BOC: variants seen among roughly 807,000 people sequenced by gnomAD.
BOC encodes BOC cell adhesion associated, oncogene regulated.
A neutral mutation model predicts 112.0 loss-of-function variants in BOC; 76 were observed. The observed-to-expected ratio is 0.68, with a 90% CI of 0.56 to 0.82. BOC has a LOEUF of 0.82. Ranked by LOEUF, BOC falls within the 40% of genes least tolerant of loss-of-function variation. The pLI is 0.00. For missense variants in BOC, 1,309 were observed against 1,511.7 expected (o/e 0.87, Z 2.22); for synonymous variants, 580 against 599.8 (o/e 0.97, Z 0.48).
intron 5 of BOC, 43 bp from the exon 6 acceptor site, chr3:113,270,758 T>C (rs1254773034): frequency 9.5e-6 from 15 of 1,573,658 alleles, no homozygotes; most frequent in Non-Finnish European, 1.3e-5. Context: ...AGTGAAGTAT[T>C]CTGGACCCAT....
Position 113,279,415 on chromosome 3 carries a change from C to A in BOC, c.1983C>A (p.Pro661=). ...GDWILATSAI[P]PSRLSVEITG... is the part of the protein sequence containing the mutation. ...GGATTCTGGCCACCAGCGCCATCCCCCCATCGCGGCTGTCCGTGGAGATCA... is the reference window on the plus strand; with the variant it reads ...GGATTCTGGCCACCAGCGCCATCCCACCATCGCGGCTGTCCGTGGAGATCA... The change falls in exon 12 of 20, where the codon CCC becomes CCA. Residue 661 remains proline, a synonymous_variant. Transcript: ENST00000682979. 1 of 1,614,176 alleles carries A rather than the reference C, an allele frequency of 6.2e-7. No individual in the cohort carries two copies. Among genetic ancestry groups the A allele is most frequent in the Non-Finnish European group, 8.5e-7 (1 of 1,180,002 alleles).
chr3:113,278,196 G>A lies in BOC; in HGVS notation c.1644G>A (p.Val548=). Residue 548 remains valine, a synonymous_variant, in exon 10 of 20, where the codon GTG becomes GTA. Coordinates refer to ENST00000682979, the MANE Select transcript of BOC (RefSeq NM_001378074.1). The surrounding 1 kb of genome is among the most constrained non-coding windows in gnomAD (Gnocchi z 4.2). ...TTGACCCCGGGAGCTTGTATGAAGT[G>A]GAGATGGCAGCTTACAACTGTGCGG... is the stretch of plus-strand genomic sequence containing the variant. ...TRLDPGSLYE[V]EMAAYNCAGE... is the part of the protein sequence containing the mutation. The A allele has an allele frequency of 1.2e-6, 2 of 1,614,228 alleles. No individual in the cohort carries two copies. The highest frequency in any genetic ancestry group is 1.7e-6 in the Non-Finnish European group (2 of 1,180,044).
Position 113,233,912 on chromosome 3 carries a change from C to T in BOC, c.-81-15810C>T, listed in dbSNP as rs115626054. On this transcript the variant is annotated intron_variant, in intron 2 of 19. Coordinates refer to ENST00000682979, the MANE Select transcript of BOC (RefSeq NM_001378074.1). ...ACCAAATCCCTAAGGGAGATAGGAA[C>T]GGGAATATCAGACACTCACGTATCA... Among the ~76,000 whole-genome samples, 489 of 144,094 alleles carry T rather than the reference C, an allele frequency of 3.4e-3. 4 individuals are homozygous for T. The highest frequency in any genetic ancestry group is 4.3e-3 in the Non-Finnish European group (290 of 66,890). 94.5% of individuals were successfully genotyped at this position (144,094 alleles called of 152,430 possible).
At chr3:113,273,432 G>A in intron 8 of BOC, 91 bp downstream of exon 8, 1 of 1,377,636 alleles carries the variant, frequency 7.3e-7, no homozygotes, top group Non-Finnish European at 9.5e-7. Flanking sequence ...CAGTATATAA[G>A]ATAGAAAAAA....
chr3:113,231,258 T>A, intron 2 of BOC, among the ~76,000 whole-genome samples: 1 of 152,180 alleles, frequency 6.6e-6, no homozygotes, highest in East Asian at 1.9e-4. Context: ...TGTTTGAAAA[T>A]TTCCAAGGTA....
At chr3:113,249,130 G>C (rs1945302970) in intron 2 of BOC, among the ~76,000 whole-genome samples, 1 of 152,088 alleles carries the variant, frequency 6.6e-6, no homozygotes, top group Non-Finnish European at 1.5e-5. Flanking sequence ...GAGTTTTCAG[G>C]GATCTAGGCA....
chr3:113,284,476 A>G lies in BOC; in HGVS notation c.2798A>G (p.Asn933Ser). The change falls in exon 17 of 20, where the codon AAT becomes AGT. Residue 933 changes from asparagine to serine, a missense_variant. Coordinates refer to ENST00000682979, the MANE Select transcript of BOC (RefSeq NM_001378074.1). The stretch of plus-strand genomic sequence containing the variant: ...GGCATCAGTGGACGGGCCTGTGCTA[A>G]TGGGATCCACATGAATAGGGGCTGC... The part of the protein sequence containing the change: ...LSGISGRACA[N>S]GIHMNRGCPS... 1.2e-6 allele frequency: 2 copies of G among 1,614,216 alleles called. No individual in the cohort carries two copies. Among genetic ancestry groups the G allele is most frequent in the African/African-American group, 1.3e-5 (1 of 75,056 alleles).
intron 15 of BOC, 43 bp downstream of exon 15, chr3:113,281,196 C>T (rs756607566): frequency 8.1e-6 from 13 of 1,604,950 alleles, no homozygotes; most frequent in South Asian, 2.2e-5. Flanking sequence ...GTGTTTCCAG[C>T]GAGGGAAGGC....
chr3:113,259,567 C>CGT (rs1474143966), intron 4 of BOC, among the ~76,000 whole-genome samples: 2 of 152,098 alleles, frequency 1.3e-5, no homozygotes, highest in African/African-American at 2.4e-5. Context: ...CCCTGTTTCT[C>CGT]GTGTGTGTGT....
intron 2 of BOC, among the ~76,000 whole-genome samples, chr3:113,245,611 G>A (rs1329632119): frequency 3.3e-5 from 5 of 152,260 alleles, no homozygotes; most frequent in Admixed American, 3.3e-4. Flanking sequence ...TGGGAAAGGT[G>A]ATTCTTACTC....
intron 4 of BOC, among the ~76,000 whole-genome samples, chr3:113,259,856 C>T (rs981443185): frequency 3.9e-5 from 6 of 152,278 alleles, no homozygotes; most frequent in Admixed American, 2.6e-4. Flanking sequence ...CTTTCCATCG[C>T]GCACTTTCTC....
Position 113,279,966 on chromosome 3 carries a change from G to T in BOC, c.2166G>T (p.Thr722=). Reference sequence around the variant, plus strand: ...TGGCAGGTCCTTATATCACCTTCACGGATGCGGTCAATGAGACCACCATCA... The same window carrying T: ...TGGCAGGTCCTTATATCACCTTCACTGATGCGGTCAATGAGACCACCATCA... ...RPVAGPYITF[T]DAVNETTIML... is the part of the protein sequence containing the mutation. Residue 722 remains threonine (T), a synonymous_variant, in exon 13 of 20, where the codon ACG becomes ACT. Coordinates refer to ENST00000682979, the MANE Select transcript of BOC (RefSeq NM_001378074.1). 1 of 1,613,202 alleles carries T rather than the reference G, an allele frequency of 6.2e-7. No homozygotes were observed. The highest frequency in any genetic ancestry group is 8.5e-7 in the Non-Finnish European group (1 of 1,179,584).
intron 2 of BOC, among the ~76,000 whole-genome samples, chr3:113,232,239 G>C (rs1436119325): frequency 6.6e-6 from 1 of 152,210 alleles, no homozygotes; most frequent in Admixed American, 6.5e-5. Flanking sequence ...TTGCACCGAG[G>C]CCACTGAGCT....
Position 113,279,313 on chromosome 3 carries a change from G to A in BOC, c.1881G>A (p.Trp627Ter), listed in dbSNP as rs764270507. 1 of 1,614,144 alleles carries A rather than the reference G, an allele frequency of 6.2e-7. No individual in the cohort carries two copies. The highest frequency in any genetic ancestry group is 8.5e-7 in the Non-Finnish European group (1 of 1,180,006). ...TASETSVYVT[W>*]IPRGNGGFPI... ...CCGAGACCTCAGTGTACGTGACCTG[G>A]ATTCCCCGTGGGAATGGTGGGTTCC... The change falls in exon 12 of 20, where the codon TGG (tryptophan) becomes TGA (stop). Residue 627 changes from tryptophan (W) to a stop codon, truncating the protein, a stop_gained. Coordinates refer to ENST00000682979, the MANE Select transcript of BOC (RefSeq NM_001378074.1). LOFTEE classifies it high-confidence loss of function.
intron 16 of BOC, 25 bp downstream of exon 16, chr3:113,283,657 G>A: frequency 1.2e-6 from 2 of 1,602,902 alleles, no homozygotes; most frequent in South Asian, 2.2e-5. Flanking sequence ...CTTTCAGTGG[G>A]AGGATCCTGG....
chr3:113,280,777 C>G, intron 14 of BOC, 114 bp downstream of exon 14: 1 of 945,526 alleles, frequency 1.1e-6, no homozygotes, highest in Non-Finnish European at 1.7e-6. Context: ...TGGTGTGACA[C>G]GAAGCTCTAA....
chr3:113,274,554 G>A lies in BOC; in HGVS notation c.1414G>A (p.Ala472Thr), dbSNP rs543759923. 19 of 1,613,430 alleles carry A rather than the reference G, an allele frequency of 1.2e-5. No homozygotes were observed. The highest frequency in any genetic ancestry group is 2.7e-5 in the African/African-American group (2 of 75,046). Residue 472 changes from alanine (A) to threonine (T), a missense_variant, in exon 9 of 20, where the codon GCC becomes ACC. Transcript: ENST00000682979. This position sits in a 1 kb window ranked among gnomAD's most constrained non-coding sequence, Gnocchi z 4.8. ...AGGAGAGAAGGGGCAGGGGGCTCCC[G>A]CCGAGGCTCCCATCATCCTCAGCTC... Reference protein sequence around the residue: ...CPGEKGQGAPAEAPIILSSPR... With the variant: ...CPGEKGQGAPTEAPIILSSPR...
intron 16 of BOC, among the ~76,000 whole-genome samples, chr3:113,283,995 C>T (rs897329176): frequency 1.3e-5 from 2 of 152,066 alleles, no homozygotes; most frequent in African/African-American, 4.8e-5. Flanking sequence ...TGGAATCTGA[C>T]TTTTAGTCAC....
chr3:113,286,017 A>G (rs1047559927), intron 19 of BOC, among the ~76,000 whole-genome samples: 1 of 152,138 alleles, frequency 6.6e-6, no homozygotes, highest in African/African-American at 2.4e-5. Flanking sequence ...TACAAACATC[A>G]TCATCATAAC....
Sources: gnomAD v4.1 joint callset for allele counts (sites outside exome capture counted in the v4.1 genomes callset) on GRCh38, gnomAD v4.1.1 for gene constraint, Gnocchi (gnomAD v3.1) non-coding constraint, MANE v1.5 for transcripts, NCBI Gene and HGNC (gene_info 2026-07-23, HGNC 2026-07-21) for gene names.